The following DPY19L1 variants were observed in gnomAD, a reference collection of about 807,000 sequenced individuals.
DPY19L1 encodes the protein dpy-19 like C-mannosyltransferase 1.
DPY19L1 carries 35 observed loss-of-function variants against 96.9 expected under a neutral mutation model. The ratio of observed to expected loss-of-function variants is 0.36; its 90% CI spans 0.28 to 0.48. The LOEUF (loss-of-function observed/expected upper bound fraction) is 0.48, where lower values mean the gene tolerates loss of function less well. Ranked by LOEUF, DPY19L1 falls within the 20% of genes least tolerant of loss-of-function variation. The probability of loss-of-function intolerance (pLI) is 0.99; values close to 1 mark genes in which losing one functional copy is unlikely to be tolerated. For synonymous variants in DPY19L1, 205 were observed against 252.6 expected, an observed-to-expected ratio of 0.81 and a Z score of 1.79; for missense variants, 521 against 777.9, an observed-to-expected ratio of 0.67 and a Z score of 3.93.
chr7:35,012,289 G>A (rs977904869), intron 4 of DPY19L1, among the ~76,000 whole-genome samples: 2 of 152,178 alleles, frequency 1.3e-5, no homozygotes, highest in African/African-American at 4.8e-5. Flanking sequence ...CACAGTGACT[G>A]TATCAAAGCT....
chr7:34,938,720 T>C (rs903367208), intron 20 of DPY19L1, among the ~76,000 whole-genome samples: 2 of 152,144 alleles, frequency 1.3e-5, no homozygotes, highest in African/African-American at 4.8e-5. Flanking sequence ...TCACCTGCCT[T>C]AGAAACTGCA....
intron 21 of DPY19L1, among the ~76,000 whole-genome samples, chr7:34,935,162 C>A (rs542699049): frequency 6.6e-6 from 1 of 152,118 alleles, no homozygotes; most frequent in Non-Finnish European, 1.5e-5. Flanking sequence ...TGAGGGCCCA[C>A]GGTGGCAGAG....
chr7:35,001,034 G>T (rs898028711), intron 6 of DPY19L1, among the ~76,000 whole-genome samples: 1 of 152,090 alleles, frequency 6.6e-6, no homozygotes, highest in African/African-American at 2.4e-5. Context: ...CTGTGACCTC[G>T]GAAAAGTTAT....
chr7:34,989,773 T>G (rs1387020193), intron 7 of DPY19L1, 111 bp downstream of exon 7: 1 of 937,432 alleles, frequency 1.1e-6, no homozygotes, highest in East Asian at 2.7e-5. Context: ...TGTTTAAATT[T>G]TGAATCAAAA....
At chr7:35,011,507 T>C in intron 4 of DPY19L1, 57 bp from the exon 5 acceptor site, 1 of 1,471,070 alleles carries the variant, frequency 6.8e-7, no homozygotes, top group Admixed American at 2.2e-5. Flanking sequence ...TTTTCATTAC[T>C]AGAATACTTT....
chr7:34,979,469 T>C (rs1784895201), intron 7 of DPY19L1, among the ~76,000 whole-genome samples: 1 of 152,142 alleles, frequency 6.6e-6, no homozygotes, highest in South Asian at 2.1e-4. Flanking sequence ...TGCTTCTAAA[T>C]TATTTAACCT....
rs1001264099 is a variant in DPY19L1 at position 34,929,151 on chromosome 7, C to CT, written c.*2421dup. The CT allele has an allele frequency of 6.6e-6, 1 of 152,224 alleles. No homozygotes were observed. Among genetic ancestry groups the CT allele is most frequent in the African/African-American group, 2.4e-5 (1 of 41,464 alleles). The allele number at this position is 152,224 out of a possible 1,614,324, so 9.4% of individuals were successfully genotyped here. A position where few individuals can be genotyped will look rare whatever the true frequency, so the allele number is the denominator to read the frequency against. Reference sequence around the variant, plus strand: ...TTGATCGCTTCTTTGCCCATCCTTACTTTCCTCATACTAAAGCAAAAATAT... The same window carrying CT: ...TTGATCGCTTCTTTGCCCATCCTTACTTTTCCTCATACTAAAGCAAAAATAT... On this transcript the variant is annotated 3_prime_UTR_variant, in exon 22 of 22. Transcript: ENST00000638088.
In DPY19L1 at chr7:34,985,699, G is replaced by C. The variant is rs550443349; in HGVS notation, c.822+4185C>G. The stretch of plus-strand genomic sequence containing the variant: ...AGTGTTGGAGAGGATGTGGAGAAGA[G>C]GGAACTCTTGCACACTGTTGGTAGG... On this transcript the variant is annotated intron_variant, in intron 7 of 21. Coordinates refer to ENST00000638088, the MANE Select transcript of DPY19L1 (RefSeq NM_001366673.1). Among the ~76,000 whole-genome samples the C allele has an allele frequency of 6.6e-5, 10 of 152,086 alleles. No individual in the cohort carries two copies. In the East Asian group the frequency reaches 1.9e-3, roughly 29 times the overall value.
intron 15 of DPY19L1, among the ~76,000 whole-genome samples, chr7:34,946,375 G>A (rs536862729): frequency 2.3e-3 from 346 of 152,298 alleles, no homozygotes; most frequent in Admixed American, 3.9e-3. Context: ...ATTCTAAGGA[G>A]CCAGATTGTG....
At chr7:34,937,809 A>G (rs1227331506) in intron 21 of DPY19L1, among the ~76,000 whole-genome samples, 185 bp downstream of exon 21, 1 of 152,128 alleles carries the variant, frequency 6.6e-6, no homozygotes, top group Non-Finnish European at 1.5e-5. Context: ...CAGTGAGCCC[A>G]GATCATGCCA....
At chr7:35,008,892 T>C (rs976023961) in intron 6 of DPY19L1, among the ~76,000 whole-genome samples, 4 of 152,184 alleles carry the variant, frequency 2.6e-5, no homozygotes, top group African/African-American at 9.7e-5. Flanking sequence ...CTCATTACGA[T>C]GCAAGCACAC....
chr7:34,955,423 A>G, intron 11 of DPY19L1, 56 bp from the exon 12 acceptor site: 1 of 1,576,368 alleles, frequency 6.3e-7, no homozygotes, highest in Non-Finnish European at 8.6e-7. Context: ...ACATAAATTC[A>G]AGTACCAAAA....
intron 15 of DPY19L1, 75 bp from the exon 16 acceptor site, chr7:34,945,791 A>G (rs1784132689): frequency 1.0e-6 from 1 of 972,588 alleles, no homozygotes; most frequent in Admixed American, 2.2e-5. Flanking sequence ...TATCTTCTAA[A>G]CTGTAAAATA....
chr7:34,931,777 T>G, intron 21 of DPY19L1, 48 bp from the exon 22 acceptor site: 3 of 1,539,002 alleles, frequency 1.9e-6, no homozygotes, highest in Non-Finnish European at 2.6e-6. Context: ...ATTATATAAC[T>G]GCAGAGAAAG....
intron 1 of DPY19L1, among the ~76,000 whole-genome samples, chr7:35,020,355 A>T (rs34949146): frequency 6.6e-6 from 1 of 152,232 alleles, no homozygotes; most frequent in African/African-American, 2.4e-5. Flanking sequence ...ACACGTTTAC[A>T]ATATAGAGCC....
At chr7:35,037,942 C>T, upstream of DPY19L1, 2 of 1,218,668 alleles carry the variant, frequency 1.6e-6, no homozygotes, top group Non-Finnish European at 1.0e-6. Context: ...GGGATCGGGG[C>T]GCTGATTCAA....
At position 35,017,971 on chromosome 7, in the gene DPY19L1, TG is replaced by T; in HGVS notation, c.324-3del. The T allele has an allele frequency of 6.3e-7, 1 of 1,595,790 alleles. No individual in the cohort carries two copies. The highest frequency in any genetic ancestry group is 1.7e-5 in the Admixed American group (1 of 57,630). ...TCAAAGAGGTGTGTTATATGGCTCC[TG>T]GAAAAACAAAACAAAGCAATAGTGT... On this transcript the variant is annotated splice_region_variant and splice_polypyrimidine_tract_variant and intron_variant, in intron 2 of 21. Coordinates refer to ENST00000638088, the MANE Select transcript of DPY19L1 (RefSeq NM_001366673.1).
chr7:34,981,755 A>G (rs1331815923), intron 7 of DPY19L1, among the ~76,000 whole-genome samples: 1 of 152,190 alleles, frequency 6.6e-6, no homozygotes, highest in East Asian at 1.9e-4. Context: ...GTTCAAGACC[A>G]GCCTGGCCAA....
intron 7 of DPY19L1, among the ~76,000 whole-genome samples, chr7:34,983,222 A>T (rs1784977820): frequency 6.6e-6 from 1 of 152,206 alleles, no homozygotes; most frequent in Non-Finnish European, 1.5e-5. Context: ...TCATTCTTTT[A>T]CAGAAATTGT....
Sources: gnomAD v4.1 joint callset for allele counts (sites outside exome capture counted in the v4.1 genomes callset) on GRCh38, gnomAD v4.1.1 for gene constraint, MANE v1.5 for transcripts, NCBI Gene and HGNC (gene_info 2026-07-23, HGNC 2026-07-21) for gene names.